Variants in CDC5L observed in about 807,000 individuals in gnomAD.
CDC5L encodes cell division cycle 5 like.
In CDC5L, 18 loss-of-function variants were observed where a neutral mutation model predicts 104.1. The observed-to-expected ratio is 0.17, with a 90% CI of 0.12 to 0.26. The LOEUF is 0.26. Among genes scored for constraint, CDC5L ranks in the 10% least tolerant of loss-of-function variants. CDC5L has a pLI of 1.00. For missense variants in CDC5L, 673 were observed against 956.9 expected (o/e 0.70, Z 3.91); for synonymous variants, 331 against 322.7 (o/e 1.03, Z -0.28).
intron 14 of CDC5L, among the ~76,000 whole-genome samples, chr6:44,445,082 G>T (rs553966200): frequency 5.9e-5 from 9 of 152,156 alleles, no homozygotes; most frequent in Non-Finnish European, 1.2e-4. Flanking sequence ...TCTCTGCACT[G>T]CCCCCAAAGG....
chr6:44,396,701 A>G (rs535563191), intron 5 of CDC5L, among the ~76,000 whole-genome samples: 12 of 151,650 alleles, frequency 7.9e-5, no homozygotes, highest in Admixed American at 5.9e-4. Context: ...CTGACCCTAA[A>G]CCCCAGGTTA....
intron 14 of CDC5L, among the ~76,000 whole-genome samples, chr6:44,430,374 G>A (rs1433732263): frequency 1.3e-5 from 2 of 150,170 alleles, no homozygotes; most frequent in Non-Finnish European, 3.0e-5. Flanking sequence ...GTTTGAGTTA[G>A]GGAGGGCAGA....
intron 6 of CDC5L, 111 bp downstream of exon 6, chr6:44,404,138 A>AT: frequency 1.4e-6 from 1 of 690,570 alleles, no homozygotes; most frequent in Non-Finnish European, 2.2e-6. Flanking sequence ...TTTATTTTAC[A>AT]TTTTTTAAAA....
rs1206327658 is a variant in CDC5L at position 44,445,503 on chromosome 6, C to G, written c.2092-152C>G. 39 of 604,250 alleles carry G rather than the reference C, an allele frequency of 6.5e-5. No homozygotes were observed. The East Asian group carries it at 1.1e-3, about 16-fold the overall frequency. The allele number at this position is 604,250 out of a possible 1,614,324, so 37.4% of individuals were successfully genotyped here. ...AGGTGCAAGATAAATCCTTCTTAAG[C>G]TTGATATTTTGTTACAGTAATTGAG... On this transcript the variant is annotated intron_variant, in intron 14 of 15. Coordinates refer to ENST00000371477, the MANE Select transcript of CDC5L (RefSeq NM_001253.4).
chr6:44,424,018 G>A (rs1792306851), intron 10 of CDC5L, among the ~76,000 whole-genome samples: 2 of 152,164 alleles, frequency 1.3e-5, no homozygotes, highest in African/African-American at 4.8e-5. Flanking sequence ...ATGTTGGGAA[G>A]AAGGGGGGAT....
rs1276598262 is a variant in CDC5L, at chr6:44,410,344, G to C, written c.1092+1712G>C. On this transcript the variant is annotated intron_variant, in intron 8 of 15. Transcript: ENST00000371477. ...TTGTCTTTCTGTATCTGGCTTACTT[G>C]ATGTAATGTCCTTCAGTTTCATCCA... Among the ~76,000 whole-genome samples, 3 of 152,268 alleles carry C rather than the reference G, an allele frequency of 2.0e-5. No individual in the cohort carries two copies. In the East Asian group the frequency reaches 5.8e-4, roughly 29 times the overall value.
intron 5 of CDC5L, among the ~76,000 whole-genome samples, chr6:44,399,621 T>C (rs554952763): frequency 6.6e-6 from 1 of 152,346 alleles, no homozygotes; most frequent in Non-Finnish European, 1.5e-5. Context: ...CTGTTGAGCC[T>C]CTCTAGTGAA....
intron 10 of CDC5L, among the ~76,000 whole-genome samples, chr6:44,424,183 G>A (rs1792315947): frequency 6.6e-6 from 1 of 152,124 alleles, no homozygotes; most frequent in Admixed American, 6.5e-5. Context: ...GGGTACATGA[G>A]ATATCTTGAT....
At chr6:44,401,314 G>A (rs536484601) in intron 5 of CDC5L, among the ~76,000 whole-genome samples, 1,210 of 4,784 alleles carry the variant, frequency 0.25, 21 homozygotes, top group African/African-American at 0.27. Flanking sequence ...CTCCCCGTCC[G>A]TCCGCCCGCA....
At chr6:44,422,838 TA>T (rs1401975594) in intron 10 of CDC5L, 29 bp downstream of exon 10, 3 of 1,532,138 alleles carry the variant, frequency 2.0e-6, no homozygotes, top group Non-Finnish European at 2.7e-6. Flanking sequence ...TTAATACTCT[TA>T]AATTTTTTTT....
At chr6:44,405,937 T>A (rs1791344336) in intron 6 of CDC5L, among the ~76,000 whole-genome samples, 1 of 152,062 alleles carries the variant, frequency 6.6e-6, no homozygotes, top group African/African-American at 2.4e-5. Context: ...AGTCTTTCTC[T>A]ATTGCCCAGG....
At chr6:44,404,263 G>T (rs911658325) in intron 6 of CDC5L, among the ~76,000 whole-genome samples, 1 of 151,870 alleles carries the variant, frequency 6.6e-6, no homozygotes, top group Non-Finnish European at 1.5e-5. Flanking sequence ...TCCCACCTCA[G>T]CCTCCTGAGT....
intron 5 of CDC5L, among the ~76,000 whole-genome samples, chr6:44,403,578 G>C (rs1791230765): frequency 6.6e-6 from 1 of 152,076 alleles, no homozygotes; most frequent in Non-Finnish European, 1.5e-5. Context: ...CCAGAGATAA[G>C]ATATGTATTT....
intron 5 of CDC5L, among the ~76,000 whole-genome samples, chr6:44,399,516 C>G (rs1026623637): frequency 6.6e-6 from 1 of 152,140 alleles, no homozygotes; most frequent in Admixed American, 6.5e-5. Flanking sequence ...CTCTGAGGCT[C>G]TATTCATGTT....
intron 9 of CDC5L, among the ~76,000 whole-genome samples, chr6:44,421,781 C>T (rs557331846): frequency 1.6e-4 from 25 of 152,194 alleles, no homozygotes; most frequent in Admixed American, 2.0e-4. Flanking sequence ...GATGTGCATA[C>T]GTTATATGCA....
Position 44,446,758 on chromosome 6 carries a change from A to G in CDC5L, c.*47A>G, listed in dbSNP as rs62401212. 6.1e-3 allele frequency: 5,676 copies of G among 934,618 alleles called. 32 individuals are homozygous for G. Among genetic ancestry groups the G allele is most frequent in the Non-Finnish European group, 8.8e-3 (5,219 of 595,770 alleles). 57.9% of individuals were successfully genotyped at this position (934,618 alleles called of 1,614,324 possible). A position where few individuals can be genotyped will look rare whatever the true frequency, so the allele number is the denominator to read the frequency against. ...CAGGATTAATTAATTGCCGGTTTTC[A>G]TACTCTAGAAGGCTGAAACTGATGT... On this transcript the variant is annotated 3_prime_UTR_variant, in exon 16 of 16. Coordinates refer to ENST00000371477, the MANE Select transcript of CDC5L (RefSeq NM_001253.4).
chr6:44,419,432 G>A lies in CDC5L; in HGVS notation c.1093-17G>A. 1 of 1,612,708 alleles carries A rather than the reference G, an allele frequency of 6.2e-7. No individual in the cohort carries two copies. The highest frequency in any genetic ancestry group is 8.5e-7 in the Non-Finnish European group (1 of 1,179,460). On this transcript the variant is annotated splice_polypyrimidine_tract_variant and intron_variant, in intron 8 of 15. Transcript: ENST00000371477. ...TCTAAACTTTTAAACTTGCTTCTTT[G>A]TCTTCTTGTTAATCAGGAAGCCCAG...
intron 7 of CDC5L, among the ~76,000 whole-genome samples, 159 bp downstream of exon 7, chr6:44,406,626 G>A (rs1015910838): frequency 1.3e-5 from 2 of 152,198 alleles, no homozygotes; most frequent in Non-Finnish European, 2.9e-5. Flanking sequence ...GTAATTGTGG[G>A]CTGGCTGTGG....
chr6:44,436,108 A>C (rs1792925969), intron 14 of CDC5L, among the ~76,000 whole-genome samples: 1 of 152,138 alleles, frequency 6.6e-6, no homozygotes, highest in Non-Finnish European at 1.5e-5. Flanking sequence ...TGGAAGCATG[A>C]GTTTGAGATA....
Sources: gnomAD v4.1 joint callset for allele counts (sites outside exome capture counted in the v4.1 genomes callset) on GRCh38, gnomAD v4.1.1 for gene constraint, MANE v1.5 for transcripts, NCBI Gene and HGNC (gene_info 2026-07-23, HGNC 2026-07-21) for gene names.